The following CDON variants were observed in gnomAD, a reference collection of about 807,000 sequenced individuals.
The protein encoded by CDON is cell adhesion associated, oncogene regulated.
A neutral mutation model predicts 120.9 loss-of-function variants in CDON; 73 were observed. The observed-to-expected ratio is 0.60, with a 90% CI of 0.50 to 0.73. The LOEUF (loss-of-function observed/expected upper bound fraction) is 0.73, where lower values mean the gene tolerates loss of function less well. CDON is among the 30% of genes least tolerant of loss of function. The pLI is 0.00. For missense variants in CDON, 1,470 were observed against 1,587.3 expected (o/e 0.93, Z 1.26); for synonymous variants, 566 against 573.5 (o/e 0.99, Z 0.19).
At chr11:126,009,460 C>T (rs993274210) in intron 8 of CDON, among the ~76,000 whole-genome samples, 3 of 152,116 alleles carry the variant, frequency 2.0e-5, no homozygotes, top group Admixed American at 6.6e-5. Context: ...GCAGGAAATG[C>T]TGGAGCCCCA....
chr11:125,985,948 C>A (rs1946447482), intron 15 of CDON, among the ~76,000 whole-genome samples: 1 of 152,144 alleles, frequency 6.6e-6, no homozygotes, highest in African/African-American at 2.4e-5. Flanking sequence ...CCATTTGACC[C>A]AGCAATCCCA....
chr11:126,027,020 T>C lies in CDON; in HGVS notation c.-61-3483A>G, dbSNP rs77322301. ...TGAAAGTTTCACAGCTCATTACAGC[T>C]ACCTAAATATTATCACACAGGAATC... On this transcript the variant is annotated intron_variant, in intron 1 of 19. Transcript: ENST00000531738. 7.9e-3 allele frequency among the ~76,000 whole-genome samples: 1,202 copies of C among 152,328 alleles called. 23 individuals are homozygous for C. Among genetic ancestry groups the C allele is most frequent in the African/African-American group, 0.027 (1,139 of 41,570 alleles).
Position 125,967,493 on chromosome 11 carries a change from G to A in CDON, c.3357-5495C>T, listed in dbSNP as rs559121749. ...TACACTTCAATCTCCTGGAGCAAAC[G>A]CAATGACAGTTCTCAGTGTCAGATA... On this transcript the variant is annotated intron_variant, in intron 18 of 19. Transcript: ENST00000531738. 1.1e-4 allele frequency among the ~76,000 whole-genome samples: 17 copies of A among 152,240 alleles called. No homozygotes were observed. In the East Asian group the frequency reaches 1.3e-3, roughly 12 times the overall value.
chr11:126,036,229 T>C (rs1948094150), intron 1 of CDON, among the ~76,000 whole-genome samples: 2 of 152,240 alleles, frequency 1.3e-5, no homozygotes, highest in Admixed American at 6.5e-5. Context: ...TCATTATGAT[T>C]ACATCTGATT....
In CDON at chr11:126,001,699, T is replaced by C; in HGVS notation, c.2158+20A>G. The C allele has an allele frequency of 6.2e-7, 1 of 1,609,292 alleles. No homozygotes were observed. The highest frequency in any genetic ancestry group is 8.5e-7 in the Non-Finnish European group (1 of 1,175,918). On this transcript the variant is annotated intron_variant, in intron 11 of 19. Coordinates refer to ENST00000531738, the MANE Select transcript of CDON (RefSeq NM_001378964.1). ...GTCAGTTATATTTGTAAAGAAACAA[T>C]AAAATATTCTTCTTTTTACCTCCAC...
At chr11:126,057,703 TAC>T (rs1288917210) in intron 1 of CDON, among the ~76,000 whole-genome samples, 1 of 152,240 alleles carries the variant, frequency 6.6e-6, no homozygotes, top group African/African-American at 2.4e-5. Context: ...ATTACTATGT[TAC>T]ACCTCAACTG....
chr11:125,971,340 A>G (rs181416285), intron 18 of CDON, among the ~76,000 whole-genome samples: 2,003 of 151,988 alleles, frequency 0.013, 43 homozygotes, highest in African/African-American at 0.045. Flanking sequence ...CCGAGATCGC[A>G]CCACTGCACT....
chr11:125,971,245 T>A (rs573960605), intron 18 of CDON, among the ~76,000 whole-genome samples: 1 of 151,888 alleles, frequency 6.6e-6, no homozygotes, highest in Admixed American at 6.6e-5. Context: ...TAGCTGGGTG[T>A]GGTGGCGGGC....
chr11:126,029,359 C>T (rs1486664275), intron 1 of CDON, among the ~76,000 whole-genome samples: 1 of 152,096 alleles, frequency 6.6e-6, no homozygotes, highest in East Asian at 1.9e-4. Flanking sequence ...TACCCATAAT[C>T]TATTATATAG....
At chr11:125,998,200 T>C (rs1436985845) in intron 11 of CDON, among the ~76,000 whole-genome samples, 1 of 152,158 alleles carries the variant, frequency 6.6e-6, no homozygotes, top group Non-Finnish European at 1.5e-5. Flanking sequence ...CATCAGCCAT[T>C]GAAACCATGT....
chr11:125,996,193 C>T (rs1946777868), intron 12 of CDON, among the ~76,000 whole-genome samples: 1 of 144,806 alleles, frequency 6.9e-6, no homozygotes, highest in Non-Finnish European at 1.5e-5. Context: ...CACACACACA[C>T]ACACACACAC....
Position 125,978,611 on chromosome 11 carries a change from C to T in CDON, c.3277-228G>A, listed in dbSNP as rs77986121. Among the ~76,000 whole-genome samples the T allele has an allele frequency of 0.025, 3,817 of 152,316 alleles. 158 individuals are homozygous for T. The highest frequency in any genetic ancestry group is 0.084 in the African/African-American group (3,499 of 41,562). On this transcript the variant is annotated intron_variant, in intron 17 of 19. Coordinates refer to ENST00000531738, the MANE Select transcript of CDON (RefSeq NM_001378964.1). ...ATTAGATTTAACTGTATTCCAAAAA[C>T]TTCACTGCCATGTTTTCCTACGTAT...
intron 1 of CDON, among the ~76,000 whole-genome samples, chr11:126,049,637 C>A (rs1948504740): frequency 6.6e-6 from 1 of 152,142 alleles, no homozygotes; most frequent in Admixed American, 6.5e-5. Flanking sequence ...TTTTGGCCTG[C>A]ATTACACAGT....
intron 1 of CDON, among the ~76,000 whole-genome samples, chr11:126,040,105 G>A (rs938598779): frequency 1.3e-5 from 2 of 152,050 alleles, no homozygotes; most frequent in Admixed American, 6.6e-5. Flanking sequence ...AAATAAATAA[G>A]TAAAAGAGCT....
intron 1 of CDON, among the ~76,000 whole-genome samples, chr11:126,048,104 T>C (rs1261678139): frequency 5.9e-5 from 9 of 151,800 alleles, no homozygotes; most frequent in Admixed American, 5.9e-4. Flanking sequence ...TGGAGAAACC[T>C]CGTCTTTACT....
At chr11:126,062,402 C>T (rs1241000362) in intron 1 of CDON, among the ~76,000 whole-genome samples, 177 bp downstream of exon 1, 1 of 151,804 alleles carries the variant, frequency 6.6e-6, no homozygotes, top group African/African-American at 2.4e-5. Context: ...CGGGGCTCCC[C>T]GCCGGGCAAG....
chr11:126,010,959 A>C (rs1947287147), intron 7 of CDON: 2 of 510,226 alleles, frequency 3.9e-6, no homozygotes, highest in African/African-American at 3.8e-5. Context: ...ATCTTTTGAG[A>C]GTTTTCTGAA....
intron 18 of CDON, among the ~76,000 whole-genome samples, chr11:125,973,942 C>T (rs1946075040): frequency 6.6e-6 from 1 of 151,992 alleles, no homozygotes; most frequent in Non-Finnish European, 1.5e-5. Context: ...GTTGCCCAGC[C>T]TGGAGTGCAG....
intron 1 of CDON, among the ~76,000 whole-genome samples, chr11:126,039,180 G>T (rs887985340): frequency 2.0e-5 from 3 of 152,182 alleles, no homozygotes; most frequent in Non-Finnish European, 2.9e-5. Context: ...AATCTTACAG[G>T]TGAAGAAGCA....
Sources: allele counts gnomAD v4.1 joint callset (sites outside exome capture counted in the v4.1 genomes callset), GRCh38; gene constraint gnomAD v4.1.1; transcripts MANE v1.5; gene names NCBI Gene and HGNC (gene_info 2026-07-23, HGNC 2026-07-21).